The following CIAO3 variants were observed in gnomAD, a reference collection of about 807,000 sequenced individuals.
CIAO3 encodes the protein LET1 like/JFP15.
CIAO3 carries 45 observed loss-of-function variants against 51.5 expected under a neutral mutation model. The ratio of observed to expected loss-of-function variants is 0.87; its 90% CI spans 0.69 to 1.12. The LOEUF is 1.12. CIAO3 is among the 50% of genes most tolerant of loss of function. CIAO3 has a pLI of 0.00. For missense variants in CIAO3, 668 were observed against 632.5 expected, an observed-to-expected ratio of 1.06 and a Z score of -0.60; for synonymous variants, 314 against 269.3, an observed-to-expected ratio of 1.17 and a Z score of -1.63.
Position 731,593 on chromosome 16 carries a change from C to T in CIAO3, c.1006G>A (p.Val336Met). The T allele has an allele frequency of 6.4e-7, 1 of 1,567,686 alleles. No individual in the cohort carries two copies. The highest frequency in any genetic ancestry group is 1.9e-5 in the Admixed American group (1 of 53,814). The change falls in exon 9 of 11, where the codon GTG (valine) becomes ATG (methionine). Residue 336 changes from valine to methionine, a missense_variant. By Grantham distance (21) the Val-to-Met change is conservative. Transcript: ENST00000251588. ...AGGGGTTTGTAGGTAACCTCAGCCA[C>T]ATGGATTCCAAAGAGCTCTCGGGCC... ...HAARELFGIHVAEVTYKPLRN... is the reference protein window; with the variant it reads ...HAARELFGIHMAEVTYKPLRN...
rs1238984965 is a variant in CIAO3, at chr16:733,329, C to T, written c.792G>A (p.Gln264=). ...SRPDFFNQEH[Q]TRDVDCVLTT... ...TGAGGACACAGTCCACATCCCGTGTCTGGTGCTCCTGGTTGAAAAAGTCGG... is the reference window on the plus strand; with the variant it reads ...TGAGGACACAGTCCACATCCCGTGTTTGGTGCTCCTGGTTGAAAAAGTCGG... Residue 264 remains glutamine, a synonymous_variant, in exon 7 of 11, where the codon CAG becomes CAA. Coordinates refer to ENST00000251588, the MANE Select transcript of CIAO3 (RefSeq NM_022493.3). 4 of 1,613,674 alleles carry T rather than the reference C, an allele frequency of 2.5e-6. No individual in the cohort carries two copies. Among genetic ancestry groups the T allele is most frequent in the Non-Finnish European group, 2.5e-6 (3 of 1,180,000 alleles).
chr16:733,376 T>C lies in CIAO3; in HGVS notation c.745A>G (p.Lys249Glu). The C allele has an allele frequency of 6.2e-7, 1 of 1,613,924 alleles. No homozygotes were observed. The highest frequency in any genetic ancestry group is 8.5e-7 in the Non-Finnish European group (1 of 1,179,996). The change falls in exon 7 of 11, where the codon AAA becomes GAA. Residue 249 changes from lysine to glutamate, a missense_variant. Coordinates refer to ENST00000251588, the MANE Select transcript of CIAO3 (RefSeq NM_022493.3). ...YHVTVMPCYD[K>E]KLEASRPDFF... The stretch of plus-strand genomic sequence containing the variant: ...TCGGGTCTGGAGGCTTCCAGCTTTT[T>C]GTCATAGCAGGGCATCACTGTGACG...
At chr16:731,180 G>A in intron 9 of CIAO3, 180 bp from the exon 10 acceptor site, 1 of 793,188 alleles carries the variant, frequency 1.3e-6, no homozygotes, top group Non-Finnish European at 1.9e-6. Context: ...ACTTCCTTGA[G>A]TCCAGCAGGG....
At chr16:733,526 AG>A in intron 6 of CIAO3, 99 bp from the exon 7 acceptor site, 1 of 1,545,336 alleles carries the variant, frequency 6.5e-7, no homozygotes, top group Non-Finnish European at 8.8e-7. Flanking sequence ...CCGGACCCCG[AG>A]GGACAGTGAG....
At chr16:734,619 G>T in intron 5 of CIAO3, 118 bp downstream of exon 5, 1 of 1,566,718 alleles carries the variant, frequency 6.4e-7, no homozygotes, top group South Asian at 1.1e-5. Context: ...AACCCGTCCC[G>T]CAAAACCTGC....
chr16:740,354 A>G (rs1162879011), intron 1 of CIAO3: 1 of 348,994 alleles, frequency 2.9e-6, no homozygotes, highest in Non-Finnish European at 5.7e-6. Flanking sequence ...CACCAGGGCG[A>G]CGTTAAGGAC....
At chr16:731,024 T>G (rs771840812) in intron 9 of CIAO3, 24 bp from the exon 10 acceptor site, 1 of 1,611,194 alleles carries the variant, frequency 6.2e-7, no homozygotes, top group South Asian at 1.1e-5. Context: ...GCGGGGTTTG[T>G]CTACATGGCA....
Position 731,546 on chromosome 16 carries a change from T to C in CIAO3, c.1034+19A>G. On this transcript the variant is annotated intron_variant, in intron 9 of 10. Transcript: ENST00000251588. ...GCTGTGTGGCCGCTCTGCCCAGAGA[T>C]CTGGCCCATCCCACTGACCTCAGGG... 6.4e-7 allele frequency: 1 copy of C among 1,551,816 alleles called. No individual in the cohort carries two copies. Among genetic ancestry groups the C allele is most frequent in the African/African-American group, 1.4e-5 (1 of 73,346 alleles).
chr16:737,511 ATAATG>A lies in CIAO3; in HGVS notation c.163-187_163-183del. 6.6e-7 allele frequency: 1 copy of A among 1,522,242 alleles called. No individual in the cohort carries two copies. Among genetic ancestry groups the A allele is most frequent in the East Asian group, 2.5e-5 (1 of 40,266 alleles). The allele number at this position is 1,522,242 out of a possible 1,614,324, so 94.3% of individuals were successfully genotyped here. On this transcript the variant is annotated intron_variant, in intron 2 of 10. Coordinates refer to ENST00000251588, the MANE Select transcript of CIAO3 (RefSeq NM_022493.3). The surrounding 1 kb of genome is among the most constrained non-coding windows in gnomAD (Gnocchi z 5.3). Reference sequence around the variant, plus strand: ...ATGCACACGCACGCTCTACAGTTTCATAATGCCGTCAAGTCTGCTTCTTGGTACCA... The same window carrying A: ...ATGCACACGCACGCTCTACAGTTTCACCGTCAAGTCTGCTTCTTGGTACCA...
rs778729732 is a variant in CIAO3 at position 739,546 on chromosome 16, T to C, written c.162+97A>G. On this transcript the variant is annotated intron_variant, in intron 2 of 10. Coordinates refer to ENST00000251588, the MANE Select transcript of CIAO3 (RefSeq NM_022493.3). ...GGGAAAAGACTGGTGAGACCTGGAGTGTCTCGGGGTCACCGCTCTGTGACG... is the reference window on the plus strand; with the variant it reads ...GGGAAAAGACTGGTGAGACCTGGAGCGTCTCGGGGTCACCGCTCTGTGACG... 1.5e-5 allele frequency: 18 copies of C among 1,183,648 alleles called. No homozygotes were observed. In the South Asian group the frequency reaches 2.1e-4, roughly 14 times the overall value. The allele number at this position is 1,183,648 out of a possible 1,614,324, so 73.3% of individuals were successfully genotyped here.
chr16:740,965 C>G lies in CIAO3; in HGVS notation c.21G>C (p.Gly7=). 6.6e-7 allele frequency: 1 copy of G among 1,516,572 alleles called. No homozygotes were observed. Among genetic ancestry groups the G allele is most frequent in the Non-Finnish European group, 8.8e-7 (1 of 1,135,942 alleles). The allele number at this position is 1,516,572 out of a possible 1,614,324, so 93.9% of individuals were successfully genotyped here. MASPFS[G]ALQLTDLDDF... is the part of the protein sequence containing the mutation. Reference sequence around the variant, plus strand: ...CATCCAGGTCCGTCAGCTGCAGCGCCCCGCTGAAGGGCGACGCCATGACGG... The same window carrying G: ...CATCCAGGTCCGTCAGCTGCAGCGCGCCGCTGAAGGGCGACGCCATGACGG... Residue 7 remains glycine, a synonymous_variant, in exon 1 of 11, where the codon GGG becomes GGC. Coordinates refer to ENST00000251588, the MANE Select transcript of CIAO3 (RefSeq NM_022493.3).
At chr16:736,735 C>T (rs898351270) in intron 3 of CIAO3, among the ~76,000 whole-genome samples, 1 of 152,130 alleles carries the variant, frequency 6.6e-6, no homozygotes, top group African/African-American at 2.4e-5. Flanking sequence ...GCAATCTCGG[C>T]TCACTGCAAC....
chr16:731,618 C>A lies in CIAO3; in HGVS notation c.981G>T (p.Ala327=), dbSNP rs746844896. Residue 327 remains alanine (A), a synonymous_variant, in exon 9 of 11, where the codon GCG becomes GCT. Coordinates refer to ENST00000251588, the MANE Select transcript of CIAO3 (RefSeq NM_022493.3). Reference sequence around the variant, plus strand: ...CATGGATTCCAAAGAGCTCTCGGGCCGCGTGCCGGAACACGTGCTCCAGGT... The same window carrying A: ...CATGGATTCCAAAGAGCTCTCGGGCAGCGTGCCGGAACACGTGCTCCAGGT... The part of the protein sequence containing the change: ...GGYLEHVFRH[A]ARELFGIHVA... The A allele has an allele frequency of 2.6e-6, 4 of 1,562,216 alleles. No individual in the cohort carries two copies. The highest frequency in any genetic ancestry group is 2.6e-6 in the Non-Finnish European group (3 of 1,153,650).
rs575691401 is a variant in CIAO3 at position 734,791 on chromosome 16, G to C, written c.520C>G (p.Arg174Gly). 1 of 1,608,722 alleles carries C rather than the reference G, an allele frequency of 6.2e-7. No homozygotes were observed. Among genetic ancestry groups the C allele is most frequent in the Non-Finnish European group, 8.5e-7 (1 of 1,176,712 alleles). ...GCCTGTCTGCAGTCGGCCTGTCCTC[G>C]GAATCGCCGCACAAACTCTCGCTGG... ...ESQREFVRRF[R>G]GQADCRQALP... is the part of the protein sequence containing the mutation. The change falls in exon 5 of 11, where the codon CGA becomes GGA. Residue 174 changes from arginine to glycine, a missense_variant. Physicochemically the swap from Arg to Gly is moderately radical, Grantham distance 125. Coordinates refer to ENST00000251588, the MANE Select transcript of CIAO3 (RefSeq NM_022493.3).
chr16:739,863 G>A (rs554481580), intron 1 of CIAO3, 125 bp from the exon 2 acceptor site: 59 of 1,242,240 alleles, frequency 4.7e-5, no homozygotes, highest in Non-Finnish European at 6.7e-5. Flanking sequence ...ATGCACTCAG[G>A]GACTGAGGCT....
rs1332416277 is a variant in CIAO3 at position 737,299 on chromosome 16, T to C, written c.193A>G (p.Lys65Glu). Residue 65 changes from lysine (K) to glutamate (E), a missense_variant, in exon 3 of 11, where the codon AAG becomes GAG. By Grantham distance (56) the Lys-to-Glu change is moderately conservative. Transcript: ENST00000251588. The surrounding 1 kb of genome is among the most constrained non-coding windows in gnomAD (Gnocchi z 5.3). Reference sequence around the variant, plus strand: ...GCCAGGCAGTCGTTTAGCGAGACCTTGGCCTTCTCCAGCCTCCGGGTCCCG... The same window carrying C: ...GCCAGGCAGTCGTTTAGCGAGACCTCGGCCTTCTCCAGCCTCCGGGTCCCG... The part of the protein sequence containing the change: ...DGGTRRLEKA[K>E]VSLNDCLACS... The C allele has an allele frequency of 3.7e-6, 6 of 1,613,184 alleles. No individual in the cohort carries two copies. Among genetic ancestry groups the C allele is most frequent in the Admixed American group, 3.3e-5 (2 of 59,998 alleles).
rs1477816520 is a variant in CIAO3 at position 734,740 on chromosome 16, G to A, written c.571C>T (p.Pro191Ser). Residue 191 changes from proline to serine, a missense_variant, in exon 5 of 11, where the codon CCA becomes TCA. Transcript: ENST00000251588. ...QALPLLASAC[P>S]GWICYAEKTH... is the part of the protein sequence containing the mutation. Reference sequence around the variant, plus strand: ...ACCACCCGCACCATGAGCACACCTGGGCAGGCAGAGGCCAGCAGGGGCAGC... The same window carrying A: ...ACCACCCGCACCATGAGCACACCTGAGCAGGCAGAGGCCAGCAGGGGCAGC... The A allele has an allele frequency of 9.9e-6, 16 of 1,612,520 alleles. No homozygotes were observed. The South Asian group carries it at 1.3e-4, about 13-fold the overall frequency.
rs552057765 is a variant in CIAO3 at position 737,071 on chromosome 16, C to T, written c.306+115G>A. 6.9e-5 allele frequency: 95 copies of T among 1,381,322 alleles called. 1 individual carries two copies. The highest frequency in any genetic ancestry group is 2.5e-4 in the East Asian group (11 of 43,268). 85.6% of individuals were successfully genotyped at this position (1,381,322 alleles called of 1,614,324 possible). On this transcript the variant is annotated intron_variant, in intron 3 of 10. Coordinates refer to ENST00000251588, the MANE Select transcript of CIAO3 (RefSeq NM_022493.3). The surrounding 1 kb of genome is among the most constrained non-coding windows in gnomAD (Gnocchi z 5.3). ...AGATTCCAAGCCTCAAAAAGGCAGG[C>T]GCCACCCGCACGACGGACGTCGGCA...
chr16:738,813 A>C (rs1411079133), intron 2 of CIAO3, among the ~76,000 whole-genome samples: 2 of 148,452 alleles, frequency 1.3e-5, no homozygotes, highest in Non-Finnish European at 3.0e-5. Context: ...ACACCCAACT[A>C]ATTTTTGTAT....
Sources: allele counts gnomAD v4.1 joint callset (sites outside exome capture counted in the v4.1 genomes callset), GRCh38; gene constraint gnomAD v4.1.1; non-coding constraint Gnocchi (gnomAD v3.1); transcripts MANE v1.5; gene names NCBI Gene and HGNC (gene_info 2026-07-23, HGNC 2026-07-21).